Variants in SPATA16 observed in about 807,000 individuals in gnomAD.
The protein encoded by SPATA16 is spermatogenesis-associated protein 16.
A neutral mutation model predicts 63.3 loss-of-function variants in SPATA16; 36 were observed. That is an observed-to-expected ratio of 0.57 (90% CI 0.44 to 0.75). The LOEUF is 0.75. Among genes scored for constraint, SPATA16 ranks in the 30% least tolerant of loss-of-function variants. The pLI is 0.00. For synonymous variants in SPATA16, 203 were observed against 216.7 expected (o/e 0.94, Z 0.56); for missense variants, 646 against 679.3 (o/e 0.95, Z 0.54).
chr3:172,962,439 T>G (rs1054467469), intron 5 of SPATA16, among the ~76,000 whole-genome samples: 3 of 152,060 alleles, frequency 2.0e-5, no homozygotes, highest in African/African-American at 7.2e-5. Context: ...TTTGGGGTTG[T>G]TTGTTATAGT....
At chr3:173,103,572 A>C (rs1737545447) in intron 2 of SPATA16, among the ~76,000 whole-genome samples, 1 of 152,226 alleles carries the variant, frequency 6.6e-6, no homozygotes, top group Non-Finnish European at 1.5e-5. Context: ...TTTGAGCCGC[A>C]GCTGGAGCTG....
At chr3:172,945,110 T>C (rs956563201) in intron 6 of SPATA16, among the ~76,000 whole-genome samples, 2 of 152,208 alleles carry the variant, frequency 1.3e-5, no homozygotes, top group African/African-American at 4.8e-5. Context: ...TACAATACTT[T>C]TAATGTTTTA....
At chr3:172,958,012 A>AT (rs781064620) in intron 5 of SPATA16, among the ~76,000 whole-genome samples, 2 of 152,220 alleles carry the variant, frequency 1.3e-5, no homozygotes, top group Non-Finnish European at 1.5e-5. Flanking sequence ...TTATGTAAAA[A>AT]TTAGTGGTGG....
chr3:172,905,270 C>G (rs1201092770), intron 10 of SPATA16, among the ~76,000 whole-genome samples: 2 of 152,110 alleles, frequency 1.3e-5, no homozygotes, highest in African/African-American at 4.8e-5. Flanking sequence ...CAGGAAAAGG[C>G]TGACTGCTGG....
chr3:173,096,814 A>AACAAC (rs1349312162), intron 2 of SPATA16, among the ~76,000 whole-genome samples: 4 of 134,934 alleles, frequency 3.0e-5, no homozygotes, highest in Non-Finnish European at 6.3e-5. Flanking sequence ...AAACACCAGA[A>AACAAC]ACAACTCAAA....
In SPATA16 at chr3:172,910,915, T is replaced by C. The variant is rs187509324; in HGVS notation, c.1587+2746A>G. On this transcript the variant is annotated intron_variant, in intron 10 of 10. Transcript: ENST00000351008. ...GTCTTGCCAGCACCCTATGTGAACA[T>C]AGGTGCACTTTCGTGCCAGTTGTTA... 3.3e-5 allele frequency among the ~76,000 whole-genome samples: 5 copies of C among 152,352 alleles called. No individual in the cohort carries two copies. The East Asian group carries it at 9.6e-4, about 29-fold the overall frequency.
intron 4 of SPATA16, among the ~76,000 whole-genome samples, chr3:172,999,258 G>C (rs1347932118): frequency 1.3e-5 from 2 of 151,944 alleles, no homozygotes; most frequent in Non-Finnish European, 2.9e-5. Context: ...ATTTCTTCTT[G>C]TGTGAATTTT....
At chr3:172,892,397 C>T (rs777584782) in intron 10 of SPATA16, among the ~76,000 whole-genome samples, 1 of 152,184 alleles carries the variant, frequency 6.6e-6, no homozygotes, top group Non-Finnish European at 1.5e-5. Flanking sequence ...TCCAAAGACA[C>T]ATCTGGTCAT....
chr3:172,937,079 A>G (rs995638979), intron 6 of SPATA16, among the ~76,000 whole-genome samples: 19 of 152,206 alleles, frequency 1.2e-4, no homozygotes, highest in African/African-American at 4.6e-4. Context: ...TTGAATTGCA[A>G]TATCGAACAC....
chr3:172,913,832 C>T (rs1274014333), intron 9 of SPATA16, 88 bp from the exon 10 acceptor site: 5 of 1,124,962 alleles, frequency 4.4e-6, no homozygotes, highest in Non-Finnish European at 6.6e-6. Context: ...ATTAAAAAAT[C>T]ATTTGTACGC....
intron 4 of SPATA16, among the ~76,000 whole-genome samples, chr3:173,003,789 C>T (rs545423474): frequency 6.6e-6 from 1 of 152,282 alleles, no homozygotes; most frequent in Non-Finnish European, 1.5e-5. Context: ...ACAGCAGTAG[C>T]AGCAGCAATG....
rs536588344 is a variant in SPATA16, at chr3:173,086,217, T to C, written c.612+30903A>G. Among the ~76,000 whole-genome samples the C allele has an allele frequency of 2.6e-5, 4 of 152,314 alleles. No individual in the cohort carries two copies. In the East Asian group the frequency reaches 7.7e-4, roughly 29 times the overall value. On this transcript the variant is annotated intron_variant, in intron 2 of 10. Coordinates refer to ENST00000351008, the MANE Select transcript of SPATA16 (RefSeq NM_031955.6). ...ACTGCCTCAATTTCAGAACTTGTTA[T>C]TTGTCTATTCAGGAATTCAACTTGT...
chr3:173,012,769 A>C (rs934954286), intron 4 of SPATA16, among the ~76,000 whole-genome samples: 1 of 152,242 alleles, frequency 6.6e-6, no homozygotes, highest in Non-Finnish European at 1.5e-5. Context: ...CCATACACAA[A>C]AATTAACTCA....
intron 3 of SPATA16, among the ~76,000 whole-genome samples, chr3:173,042,049 A>G (rs1735853400): frequency 6.6e-6 from 1 of 152,082 alleles, no homozygotes; most frequent in African/African-American, 2.4e-5. Context: ...TTATGAATCA[A>G]TTCATTCTAA....
At chr3:172,909,938 A>G (rs1013354828) in intron 10 of SPATA16, among the ~76,000 whole-genome samples, 1 of 152,170 alleles carries the variant, frequency 6.6e-6, no homozygotes, top group African/African-American at 2.4e-5. Context: ...GACAGATATC[A>G]TGTCAATCCT....
intron 5 of SPATA16, among the ~76,000 whole-genome samples, chr3:172,960,751 C>G (rs1219402996): frequency 1.3e-5 from 2 of 152,136 alleles, no homozygotes; most frequent in African/African-American, 4.8e-5. Flanking sequence ...CATCTAAACT[C>G]AAGAGGGCCG....
At chr3:172,913,531 A>T in intron 10 of SPATA16, 130 bp downstream of exon 10, 2 of 818,046 alleles carry the variant, frequency 2.4e-6, no homozygotes, top group Non-Finnish European at 4.0e-6. Context: ...AGCTGCATTT[A>T]ATTAAAAAAG....
Position 172,925,342 on chromosome 3 carries a change from T to A in SPATA16, c.1228+4A>T, listed in dbSNP as rs778246314. On this transcript the variant is annotated splice_donor_region_variant and intron_variant, in intron 7 of 10. Coordinates refer to ENST00000351008, the MANE Select transcript of SPATA16 (RefSeq NM_031955.6). ...GCTAGACCTTGTAGGTTCAGATGAT[T>A]TACCTGTGAATATCGGCAGCTTCCT... is the stretch of plus-strand genomic sequence containing the variant. The A allele has an allele frequency of 6.2e-7, 1 of 1,613,896 alleles. No individual in the cohort carries two copies. Among genetic ancestry groups the A allele is most frequent in the Admixed American group, 1.7e-5 (1 of 59,994 alleles).
At chr3:172,998,341 T>G (rs1734737455) in intron 4 of SPATA16, among the ~76,000 whole-genome samples, 1 of 152,158 alleles carries the variant, frequency 6.6e-6, no homozygotes, top group East Asian at 1.9e-4. Context: ...TTCAAATTCC[T>G]TGATTATTGC....
Sources: gnomAD v4.1 joint callset for allele counts (sites outside exome capture counted in the v4.1 genomes callset) on GRCh38, gnomAD v4.1.1 for gene constraint, MANE v1.5 for transcripts, NCBI Gene and HGNC (gene_info 2026-07-23, HGNC 2026-07-21) for gene names.